The following TRPC7 variants were observed in gnomAD, a reference collection of about 807,000 sequenced individuals.
TRPC7 encodes the protein transient receptor potential cation channel subfamily C member 7.
TRPC7 carries 42 observed loss-of-function variants against 90.1 expected under a neutral mutation model. That is an observed-to-expected ratio of 0.47 (90% CI 0.36 to 0.60). The LOEUF is 0.60. Ranked by LOEUF, TRPC7 falls within the 20% of genes least tolerant of loss-of-function variation. TRPC7 has a pLI of 0.00. For synonymous variants in TRPC7, 451 were observed against 436.3 expected (o/e 1.03, Z -0.42); for missense variants, 955 against 1,112.3 (o/e 0.86, Z 2.01).
intron 5 of TRPC7, among the ~76,000 whole-genome samples, chr5:136,262,287 T>C (rs2149810514): frequency 6.6e-6 from 1 of 152,328 alleles, no homozygotes; most frequent in Non-Finnish European, 1.5e-5. Flanking sequence ...ACTTCATCTC[T>C]ATTTCTCTTC....
chr5:136,224,558 A>G (rs1012813905), intron 10 of TRPC7, among the ~76,000 whole-genome samples: 1 of 151,996 alleles, frequency 6.6e-6, no homozygotes, highest in Non-Finnish European at 1.5e-5. Flanking sequence ...GCTTTTCTCT[A>G]TCACCCTGCT....
intron 3 of TRPC7, among the ~76,000 whole-genome samples, chr5:136,298,486 T>C (rs1758260682): frequency 6.6e-6 from 1 of 152,106 alleles, no homozygotes. Context: ...GCCAAGATCA[T>C]TAGAAAGAAG....
chr5:136,270,169 T>A (rs1757162898), intron 4 of TRPC7, among the ~76,000 whole-genome samples: 1 of 152,210 alleles, frequency 6.6e-6, no homozygotes, highest in Non-Finnish European at 1.5e-5. Flanking sequence ...TAGAGGGATG[T>A]GTGTGTGCGC....
intron 10 of TRPC7, among the ~76,000 whole-genome samples, chr5:136,216,717 A>C (rs1266604302): frequency 6.6e-6 from 1 of 152,228 alleles, no homozygotes; most frequent in Non-Finnish European, 1.5e-5. Context: ...TGCCTCCCTC[A>C]GAGGTCACAG....
At chr5:136,237,772 A>G (rs1344649245) in intron 7 of TRPC7, among the ~76,000 whole-genome samples, 2 of 152,188 alleles carry the variant, frequency 1.3e-5, no homozygotes, top group Non-Finnish European at 2.9e-5. Context: ...AATGTTACTA[A>G]TTTTATTACT....
rs186099519 is a variant in TRPC7 at position 136,350,672 on chromosome 5, G to T, written c.780+5936C>A. Among the ~76,000 whole-genome samples the T allele has an allele frequency of 2.1e-3, 317 of 152,310 alleles. 1 individual carries two copies. In the Middle Eastern group the frequency reaches 0.027, roughly 13 times the overall value. On this transcript the variant is annotated intron_variant, in intron 2 of 11. Coordinates refer to ENST00000513104, the MANE Select transcript of TRPC7 (RefSeq NM_020389.3). ...TTTTCTGGAGATAAGCCAGTCCCTG[G>T]GTCTTGCTCTCAGGTATGGGGTCCT...
intron 6 of TRPC7, among the ~76,000 whole-genome samples, chr5:136,248,752 A>G (rs1241265430): frequency 1.3e-5 from 2 of 152,244 alleles, no homozygotes; most frequent in Non-Finnish European, 2.9e-5. Flanking sequence ...GCTGCAGAGC[A>G]AACCTGCAAA....
intron 2 of TRPC7, among the ~76,000 whole-genome samples, chr5:136,339,947 A>C (rs908040808): frequency 3.4e-5 from 5 of 147,108 alleles, no homozygotes; most frequent in Non-Finnish European, 7.5e-5. Flanking sequence ...GAAATACTAG[A>C]AGAGAACTCA....
At chr5:136,280,269 T>C (rs1221557635) in intron 3 of TRPC7, among the ~76,000 whole-genome samples, 1 of 152,348 alleles carries the variant, frequency 6.6e-6, no homozygotes, top group East Asian at 1.9e-4. Flanking sequence ...TCTTATTCTG[T>C]AACCCACTCA....
rs144164614 is a variant in TRPC7, at chr5:136,295,062, C to G, written c.964-20225G>C. Among the ~76,000 whole-genome samples, 771 of 151,632 alleles carry G rather than the reference C, an allele frequency of 5.1e-3. 5 individuals carry two copies. Among genetic ancestry groups the G allele is most frequent in the African/African-American group, 0.018 (733 of 41,318 alleles). On this transcript the variant is annotated intron_variant, in intron 3 of 11. Transcript: ENST00000513104. ...GACAAAAAGCCAAACACTGCATGTT[C>G]TTACTGATAGGTGGGAATTGAACAA...
intron 2 of TRPC7, among the ~76,000 whole-genome samples, chr5:136,338,907 GA>G (rs922847963): frequency 5.3e-5 from 8 of 151,406 alleles, no homozygotes; most frequent in East Asian, 1.9e-4. Context: ...TCCAAAACTT[GA>G]AAAAAAACCA....
At chr5:136,365,222 T>C (rs1208065004) in intron 1 of TRPC7, 31 bp downstream of exon 1, 1 of 1,520,632 alleles carries the variant, frequency 6.6e-7, no homozygotes, top group Non-Finnish European at 8.8e-7. Flanking sequence ...GAAAAAAAAA[T>C]CAATATGAAA....
At chr5:136,340,808 A>C (rs1256513681) in intron 2 of TRPC7, among the ~76,000 whole-genome samples, 1 of 152,212 alleles carries the variant, frequency 6.6e-6, no homozygotes, top group Non-Finnish European at 1.5e-5. Flanking sequence ...GAGCCAAGAA[A>C]AAATGGACAA....
intron 1 of TRPC7, among the ~76,000 whole-genome samples, chr5:136,362,497 T>C (rs1432512363): frequency 6.6e-6 from 1 of 152,132 alleles, no homozygotes; most frequent in Non-Finnish European, 1.5e-5. Context: ...TGATTAGAAA[T>C]GTATAGCGAA....
At position 136,365,292 on chromosome 5, in the gene TRPC7, G is replaced by A; in HGVS notation, c.-38C>T. On this transcript the variant is annotated 5_prime_UTR_variant, in exon 1 of 12. Coordinates refer to ENST00000513104, the MANE Select transcript of TRPC7 (RefSeq NM_020389.3). ...ACGCAGGCTTGTTCCTCCTCTAGAT[G>A]ACCGGAATCCGGTGTTGAGTCGCCA... The A allele has an allele frequency of 1.3e-6, 2 of 1,536,976 alleles. No individual in the cohort carries two copies. Among genetic ancestry groups the A allele is most frequent in the Non-Finnish European group, 1.7e-6 (2 of 1,146,722 alleles).
intron 10 of TRPC7, among the ~76,000 whole-genome samples, chr5:136,220,870 G>A (rs1357812859): frequency 6.6e-6 from 1 of 152,146 alleles, no homozygotes; most frequent in African/African-American, 2.4e-5. Context: ...CGGAGGCCCA[G>A]CTGTAAAATT....
chr5:136,253,155 A>C (rs1451479628), intron 5 of TRPC7, among the ~76,000 whole-genome samples: 2 of 152,226 alleles, frequency 1.3e-5, no homozygotes, highest in African/African-American at 4.8e-5. Context: ...TTTGGATATG[A>C]TAGGTTAAGT....
In TRPC7 at chr5:136,357,395, A is replaced by T. The variant is rs1238471999; in HGVS notation, c.3-10T>A. On this transcript the variant is annotated splice_polypyrimidine_tract_variant and intron_variant, in intron 1 of 11. Coordinates refer to ENST00000513104, the MANE Select transcript of TRPC7 (RefSeq NM_020389.3). ...GGTGCTGTTCCTCAACCTATGGGAC[A>T]AGGCAAAGATGCCCTGTTACTTTCC... is the stretch of plus-strand genomic sequence containing the variant. 1 of 1,576,100 alleles carries T rather than the reference A, an allele frequency of 6.3e-7. No homozygotes were observed. The highest frequency in any genetic ancestry group is 8.6e-7 in the Non-Finnish European group (1 of 1,165,140).
At chr5:136,218,239 G>A (rs924023758) in intron 10 of TRPC7, among the ~76,000 whole-genome samples, 5 of 148,694 alleles carry the variant, frequency 3.4e-5, no homozygotes, top group Non-Finnish European at 5.9e-5. Flanking sequence ...CCCTTTCCAT[G>A]AGACTCAGTA....
Sources: gnomAD v4.1 joint callset for allele counts (sites outside exome capture counted in the v4.1 genomes callset) on GRCh38, gnomAD v4.1.1 for gene constraint, MANE v1.5 for transcripts, NCBI Gene and HGNC (gene_info 2026-07-23, HGNC 2026-07-21) for gene names.